TAL1: variants seen among roughly 807,000 people sequenced by gnomAD.
The protein encoded by TAL1 is T-cell acute lymphocytic leukemia protein 1.
Under a neutral mutation model 17.9 loss-of-function variants are expected in TAL1, and 8 were observed. The ratio of observed to expected loss-of-function variants is 0.45; its 90% CI spans 0.26 to 0.81. The LOEUF (loss-of-function observed/expected upper bound fraction) is 0.81, where lower values mean the gene tolerates loss of function less well. Ranked by LOEUF, TAL1 falls within the 30% of genes least tolerant of loss-of-function variation. The pLI is 0.17. For missense variants in TAL1, 466 were observed against 486.9 expected (o/e 0.96, Z 0.40); for synonymous variants, 223 against 218.6 (o/e 1.02, Z -0.18).
At chr1:47,224,521 C>G (rs1039875222) in intron 2 of TAL1, among the ~76,000 whole-genome samples, 8 of 152,148 alleles carry the variant, frequency 5.3e-5, no homozygotes, top group African/African-American at 9.7e-5. Flanking sequence ...CCCACTCAGG[C>G]AAATGTAACC....
At position 47,225,591 on chromosome 1, in the gene TAL1, C is replaced by CGCGGGGGCCGGGGG; in HGVS notation, c.297_298insCCCCCGGCCCCCGC (p.Ala100ProfsTer27). ...ACCGAGGCGGGCGCGGGGGCCGGGGCGGGCCCGGGAGGTCTGCACAGCTCG... is the reference window on the plus strand; with the variant it reads ...ACCGAGGCGGGCGCGGGGGCCGGGGCGCGGGGGCCGGGGGGGGCCCGGGAGGTCTGCACAGCTCG... On this transcript the variant is annotated frameshift_variant, in exon 2 of 4. Transcript: ENST00000294339. LOFTEE classifies it high-confidence loss of function. 1 of 1,291,854 alleles carries CGCGGGGGCCGGGGG rather than the reference C, an allele frequency of 7.7e-7. No homozygotes were observed. The highest frequency in any genetic ancestry group is 9.7e-7 in the Non-Finnish European group (1 of 1,027,266). The allele number at this position is 1,291,854 out of a possible 1,614,324, so 80.0% of individuals were successfully genotyped here.
rs142787396 is a variant in TAL1, at chr1:47,216,374, G to A, written c.*3346C>T. 553 of 224,982 alleles carry A rather than the reference G, an allele frequency of 2.5e-3. 1 individual carries two copies. Among genetic ancestry groups the A allele is most frequent in the Non-Finnish European group, 4.0e-3 (448 of 112,840 alleles). 13.9% of individuals were successfully genotyped at this position (224,982 alleles called of 1,614,324 possible). Reference sequence around the variant, plus strand: ...CATCATCACCACATGGGTTTTTTTTGCTAAAGAGTCACACACCCACAGTGT... The same window carrying A: ...CATCATCACCACATGGGTTTTTTTTACTAAAGAGTCACACACCCACAGTGT... On this transcript the variant is annotated 3_prime_UTR_variant, in exon 4 of 4. Transcript: ENST00000294339.
chr1:47,221,475 C>T lies in TAL1; in HGVS notation c.542-1301G>A, dbSNP rs931649531. Among the ~76,000 whole-genome samples the T allele has an allele frequency of 7.2e-5, 11 of 152,316 alleles. No homozygotes were observed. The East Asian group carries it at 9.6e-4, about 13-fold the overall frequency. The stretch of plus-strand genomic sequence containing the variant: ...AAAGCACTGTGCTGTGTTCAAGACT[C>T]ACTGGGGATTTGTAAAGCCAGGGGA... On this transcript the variant is annotated intron_variant, in intron 3 of 3. Transcript: ENST00000294339.
intron 1 of TAL1, chr1:47,227,430 C>G (rs1362931745): frequency 6.6e-6 from 1 of 152,202 alleles, no homozygotes; most frequent in Non-Finnish European, 1.5e-5. Context: ...CCATTGAGCT[C>G]CCATACTGCC....
exon 4 of TAL1, chr1:47,219,504 AC>A: frequency 1.3e-6 from 1 of 762,490 alleles, no homozygotes; most frequent in South Asian, 1.5e-5. Context: ...AAAAGTACCT[AC>A]CACTTTGCTC....
intron 3 of TAL1, among the ~76,000 whole-genome samples, chr1:47,221,387 G>C (rs1643803342): frequency 6.6e-6 from 1 of 152,198 alleles, no homozygotes; most frequent in Non-Finnish European, 1.5e-5. Flanking sequence ...AACATTCCAT[G>C]TATAAAGACT....
chr1:47,218,010 G>A (rs1645533370), exon 4 of TAL1: 5 of 358,134 alleles, frequency 1.4e-5, no homozygotes, highest in Middle Eastern at 7.1e-4. Context: ...GAAGGGGAAA[G>A]GAGCAGACAT....
intron 3 of TAL1, 69 bp from the exon 5 acceptor site, chr1:47,220,243 A>G: frequency 1.4e-6 from 2 of 1,442,050 alleles, no homozygotes; most frequent in Non-Finnish European, 1.8e-6. Flanking sequence ...ATCTCCATAC[A>G]TTGGGAAACT....
chr1:47,220,733 A>G (rs1409416273), intron 3 of TAL1, among the ~76,000 whole-genome samples: 1 of 152,250 alleles, frequency 6.6e-6, no homozygotes, highest in Non-Finnish European at 1.5e-5. Flanking sequence ...TTAGCAGTCA[A>G]TAAATGTTAG....
Position 47,218,819 on chromosome 1 carries a change from G to A in TAL1, c.*901C>T, listed in dbSNP as rs367920550. On this transcript the variant is annotated 3_prime_UTR_variant, in exon 4 of 4. Coordinates refer to ENST00000294339, the Ensembl canonical transcript of TAL1. Reference sequence around the variant, plus strand: ...CAGGAGAATGCACAGATGGGGCTGCGCATCTACTCAGCACCAGCGTACGCC... The same window carrying A: ...CAGGAGAATGCACAGATGGGGCTGCACATCTACTCAGCACCAGCGTACGCC... 5.1e-5 allele frequency: 12 copies of A among 235,252 alleles called. No homozygotes were observed. The South Asian group carries it at 5.3e-4, about 10-fold the overall frequency. 14.6% of individuals were successfully genotyped at this position (235,252 alleles called of 1,614,324 possible).
exon 4 of TAL1, chr1:47,218,292 C>A (rs1293299094): frequency 8.6e-6 from 2 of 232,902 alleles, no homozygotes; most frequent in Non-Finnish European, 1.7e-5. Context: ...ACAGGCCTCA[C>A]CTTAAGAAAA....
intron 1 of TAL1, 150 bp from the exon 3 acceptor site, chr1:47,226,039 G>C: frequency 1.4e-6 from 1 of 737,748 alleles, no homozygotes; most frequent in Non-Finnish European, 2.0e-6. Flanking sequence ...GCCACGTGGG[G>C]CTAGGGCGGG....
exon 4 of TAL1, chr1:47,220,148 T>A: frequency 6.3e-7 from 1 of 1,585,836 alleles, no homozygotes. Flanking sequence ...TTGGTGAAGA[T>A]ACGCCGCACA....
At chr1:47,218,078 G>A in exon 4 of TAL1, 1 of 273,906 alleles carries the variant, frequency 3.7e-6, no homozygotes. Flanking sequence ...CAAGCCACTA[G>A]GCTGAAGCCC....
chr1:47,231,022 C>G (rs954648214), upstream of TAL1: 3 of 153,354 alleles, frequency 2.0e-5, no homozygotes, highest in Non-Finnish European at 1.5e-5. Context: ...CCTTGGAGCC[C>G]GGCGGCCGCA....
chr1:47,217,498 A>G, exon 4 of TAL1: 1 of 398,642 alleles, frequency 2.5e-6, no homozygotes, highest in Non-Finnish European at 4.4e-6. Context: ...CTGGGCAGTC[A>G]GGCACACCGG....
exon 2 of TAL1, chr1:47,225,576 G>A (rs1315142458): frequency 3.1e-6 from 4 of 1,284,238 alleles, no homozygotes; most frequent in East Asian, 6.3e-5. Flanking sequence ...ACCGAGGCGG[G>A]CGCGGGGGCC....
intron 1 of TAL1, chr1:47,227,079 C>T (rs1479034431): frequency 6.6e-6 from 1 of 152,220 alleles, no homozygotes; most frequent in Non-Finnish European, 1.5e-5. Context: ...TTGCTCAACC[C>T]TCCTGTATTC....
chr1:47,216,493 T>G (rs1180064612), exon 4 of TAL1: 1 of 230,182 alleles, frequency 4.3e-6, no homozygotes, highest in African/African-American at 2.2e-5. Flanking sequence ...TCACATACAG[T>G]ACAACGTTGA....
Sources: allele counts gnomAD v4.1 joint callset (sites outside exome capture counted in the v4.1 genomes callset), GRCh38; gene constraint gnomAD v4.1.1; transcripts MANE v1.5; gene names NCBI Gene and HGNC (gene_info 2026-07-23, HGNC 2026-07-21).